The following NTRK3 variants were observed in gnomAD, a reference collection of about 807,000 sequenced individuals.
NTRK3 encodes the protein NT-3 growth factor receptor.
A neutral mutation model predicts 91.7 loss-of-function variants in NTRK3; 24 were observed. That is an observed-to-expected ratio of 0.26 (90% CI 0.19 to 0.37). The LOEUF (loss-of-function observed/expected upper bound fraction) is 0.37, where lower values mean the gene tolerates loss of function less well. Among genes scored for constraint, NTRK3 ranks in the 10% least tolerant of loss-of-function variants. The pLI, the probability that NTRK3 is intolerant of heterozygous loss-of-function variation, is 1.00. For missense variants in NTRK3, 880 were observed against 1,068.9 expected, an observed-to-expected ratio of 0.82 and a Z score of 2.46; for synonymous variants, 483 against 404.0, an observed-to-expected ratio of 1.20 and a Z score of -2.34.
At chr15:88,076,348 G>A (rs1354519808) in intron 13 of NTRK3, among the ~76,000 whole-genome samples, 1 of 152,036 alleles carries the variant, frequency 6.6e-6, no homozygotes, top group East Asian at 1.9e-4. Context: ...CAACATATGG[G>A]AATTATAGGA....
At chr15:88,104,678 T>G (rs1369288963) in intron 13 of NTRK3, among the ~76,000 whole-genome samples, 1 of 152,214 alleles carries the variant, frequency 6.6e-6, no homozygotes, top group Non-Finnish European at 1.5e-5. Flanking sequence ...CCATCACATC[T>G]TCATGCTCTC....
At chr15:87,991,084 C>G (rs750904355) in intron 14 of NTRK3, among the ~76,000 whole-genome samples, 8 of 152,192 alleles carry the variant, frequency 5.3e-5, no homozygotes, top group Non-Finnish European at 1.2e-4. Flanking sequence ...GTTCATTCCA[C>G]AGAATGTGGC....
chr15:88,218,013 G>A (rs770934148), intron 3 of NTRK3, among the ~76,000 whole-genome samples: 46 of 152,238 alleles, frequency 3.0e-4, no homozygotes, highest in Middle Eastern at 3.4e-3. Context: ...GGCCGCCTCT[G>A]GGGGTCGCTG....
At chr15:88,124,358 G>T (rs774852360) in intron 13 of NTRK3, among the ~76,000 whole-genome samples, 15 of 152,208 alleles carry the variant, frequency 9.9e-5, no homozygotes, top group African/African-American at 1.7e-4. Context: ...GCTGAGGGGA[G>T]GAACCACCCT....
In NTRK3 at chr15:87,881,406, C is replaced by CTTATTTATTTATTTATTTAT. The variant is rs61208268; in HGVS notation, c.2134-998_2134-979dup. Among the ~76,000 whole-genome samples, 79 of 149,148 alleles carry CTTATTTATTTATTTATTTAT rather than the reference C, an allele frequency of 5.3e-4. 2 individuals carry two copies. Among genetic ancestry groups the CTTATTTATTTATTTATTTAT allele is most frequent in the Admixed American group, 1.5e-3 (23 of 14,952 alleles). On this transcript the variant is annotated intron_variant, in intron 17 of 18. Coordinates refer to ENST00000394480, the Ensembl canonical transcript of NTRK3. The stretch of plus-strand genomic sequence containing the variant: ...ACTTAAAGTTCTCATTTCCTTCTTT[C>CTTATTTATTTATTTATTTAT]TTATTTATTTATTTATTTATTTATT...
At chr15:88,161,289 C>A (rs1421244038) in intron 5 of NTRK3, among the ~76,000 whole-genome samples, 1 of 152,084 alleles carries the variant, frequency 6.6e-6, no homozygotes, top group Non-Finnish European at 1.5e-5. Context: ...GACAACTTGC[C>A]CTGGGTCAGT....
chr15:87,877,848 T>G (rs1039513964), intron 18 of NTRK3, among the ~76,000 whole-genome samples: 5 of 152,038 alleles, frequency 3.3e-5, no homozygotes, highest in South Asian at 2.1e-4. Context: ...ATGTCTGCCT[T>G]AACCACCCCC....
intron 14 of NTRK3, among the ~76,000 whole-genome samples, chr15:87,955,701 G>A (rs541788099): frequency 2.8e-4 from 43 of 152,216 alleles, no homozygotes; most frequent in Non-Finnish European, 5.7e-4. Flanking sequence ...CACGACCATT[G>A]GCCCCATTCC....
intron 17 of NTRK3, among the ~76,000 whole-genome samples, chr15:87,894,239 G>A (rs1334839064): frequency 6.6e-6 from 1 of 152,184 alleles, no homozygotes; most frequent in African/African-American, 2.4e-5. Context: ...ATCAGCTATG[G>A]CTAGCAGTCA....
intron 13 of NTRK3, among the ~76,000 whole-genome samples, chr15:88,033,828 C>T (rs946535834): frequency 3.9e-5 from 6 of 152,078 alleles, no homozygotes; most frequent in Admixed American, 2.0e-4. Context: ...GTTTTAAATA[C>T]GTTTATTTTC....
At chr15:88,005,930 T>C (rs967214238) in intron 14 of NTRK3, among the ~76,000 whole-genome samples, 1 of 152,186 alleles carries the variant, frequency 6.6e-6, no homozygotes, top group Non-Finnish European at 1.5e-5. Flanking sequence ...GAGGTTTCTG[T>C]AGGAAGGATC....
At chr15:88,162,595 C>G (rs1183974755) in intron 5 of NTRK3, among the ~76,000 whole-genome samples, 1 of 152,198 alleles carries the variant, frequency 6.6e-6, no homozygotes, top group African/African-American at 2.4e-5. Flanking sequence ...ACTCAGCATA[C>G]GCGCTAAATG....
intron 14 of NTRK3, among the ~76,000 whole-genome samples, chr15:88,005,384 A>T (rs2076414142): frequency 6.6e-6 from 1 of 152,176 alleles, no homozygotes; most frequent in Non-Finnish European, 1.5e-5. Context: ...AGGCTTTCCT[A>T]GGCAATTGTT....
intron 14 of NTRK3, among the ~76,000 whole-genome samples, chr15:87,966,593 T>G (rs2072816920): frequency 6.6e-6 from 1 of 152,212 alleles, no homozygotes; most frequent in Non-Finnish European, 1.5e-5. Context: ...AGTAATCCTT[T>G]GGCCAACTCT....
At chr15:88,079,067 C>A (rs987111342) in intron 13 of NTRK3, among the ~76,000 whole-genome samples, 3 of 152,054 alleles carry the variant, frequency 2.0e-5, no homozygotes, top group Admixed American at 1.3e-4. Context: ...CATGGGGAGC[C>A]CAGTCGGTGG....
chr15:88,066,464 C>G (rs577541855), intron 13 of NTRK3, among the ~76,000 whole-genome samples: 8 of 152,330 alleles, frequency 5.3e-5, no homozygotes, highest in Non-Finnish European at 1.0e-4. Context: ...CTTTCTGAAT[C>G]ACACCCACAG....
chr15:88,234,116 G>A lies in NTRK3; in HGVS notation c.248+21790C>T, dbSNP rs2051464473. Among the ~76,000 whole-genome samples the A allele has an allele frequency of 6.6e-6, 1 of 152,058 alleles. No individual in the cohort carries two copies. The stretch of plus-strand genomic sequence containing the variant: ...GTCCACAGTCACCGTCCTGTGCCAG[G>A]CCAGCCTGCCAGGCAGCCTGGACCT... On this transcript the variant is annotated intron_variant, in intron 3 of 18. Transcript: ENST00000394480. This position sits in a 1 kb window ranked among gnomAD's most constrained non-coding sequence, Gnocchi z 6.1.
Position 88,090,446 on chromosome 15 carries a change from C to T in NTRK3, c.1396+35825G>A, listed in dbSNP as rs549828866. ...AGAAAGGACAGCGTGCCCTAGGCAA[C>T]GTAGATAAGCATTCTCCTATAAATA... On this transcript the variant is annotated intron_variant, in intron 13 of 18. Coordinates refer to ENST00000394480, the Ensembl canonical transcript of NTRK3. Among the ~76,000 whole-genome samples, 67 of 152,150 alleles carry T rather than the reference C, an allele frequency of 4.4e-4. No individual in the cohort carries two copies. The South Asian group carries it at 6.4e-3, about 15-fold the overall frequency.
Position 87,877,628 on chromosome 15 carries a change from C to T in NTRK3, c.2293-508G>A, listed in dbSNP as rs575092774. 1.3e-4 allele frequency among the ~76,000 whole-genome samples: 20 copies of T among 152,246 alleles called. No individual in the cohort carries two copies. In the South Asian group the frequency reaches 2.7e-3, roughly 20 times the overall value. Reference sequence around the variant, plus strand: ...GGCTCCCAGTTGCAGACTCTGTGCACGTCACCACACTTGCCTCTGAGTCAT... The same window carrying T: ...GGCTCCCAGTTGCAGACTCTGTGCATGTCACCACACTTGCCTCTGAGTCAT... On this transcript the variant is annotated intron_variant, in intron 18 of 18. Transcript: ENST00000394480.
Sources: gnomAD v4.1 joint callset for allele counts (sites outside exome capture counted in the v4.1 genomes callset) on GRCh38, gnomAD v4.1.1 for gene constraint, Gnocchi (gnomAD v3.1) non-coding constraint, MANE v1.5 for transcripts, NCBI Gene and HGNC (gene_info 2026-07-23, HGNC 2026-07-21) for gene names.